The following WDR20 variants were observed in gnomAD, a reference collection of about 807,000 sequenced individuals.
WDR20 encodes WD repeat-containing protein 20.
Under a neutral mutation model 38.7 loss-of-function variants are expected in WDR20, and 3 were observed. The ratio of observed to expected loss-of-function variants is 0.08; its 90% CI spans 0.04 to 0.20. The LOEUF (loss-of-function observed/expected upper bound fraction) is 0.20. Ranked by LOEUF, WDR20 falls within the 10% of genes least tolerant of loss-of-function variation. WDR20 has a pLI of 1.00. For missense variants in WDR20, 559 were observed against 727.7 expected, an observed-to-expected ratio of 0.77 and a Z score of 2.67; for synonymous variants, 298 against 285.6, an observed-to-expected ratio of 1.04 and a Z score of -0.44.
At chr14:102,150,777 C>G (rs937812673) in intron 1 of WDR20, among the ~76,000 whole-genome samples, 3 of 152,052 alleles carry the variant, frequency 2.0e-5, no homozygotes, top group Non-Finnish European at 2.9e-5. Flanking sequence ...GAGGTATGGG[C>G]CCTGACCTTA....
At chr14:102,217,503 G>A (rs186161089), downstream of WDR20, among the ~76,000 whole-genome samples, 588 of 152,292 alleles carry the variant, frequency 3.9e-3, 16 homozygotes, top group Admixed American at 0.033. Flanking sequence ...CAGTGGACAG[G>A]TTAAAGCTGG....
Position 102,208,242 on chromosome 14 carries a change from AC to A in WDR20, c.433-356del, listed in dbSNP as rs1168695626. ...GGGGATACCACATGCAGATGCAGTG[AC>A]CCCCAGATTCAGATGCACCTACTGT... is the stretch of plus-strand genomic sequence containing the variant. On this transcript the variant is annotated intron_variant, in intron 2 of 2. Coordinates refer to ENST00000342702, the MANE Select transcript of WDR20 (RefSeq NM_144574.4). The surrounding 1 kb of genome is among the most constrained non-coding windows in gnomAD (Gnocchi z 5.6). Among the ~76,000 whole-genome samples the A allele has an allele frequency of 6.6e-6, 1 of 152,018 alleles. No individual in the cohort carries two copies. The highest frequency in any genetic ancestry group is 6.6e-5 in the Admixed American group (1 of 15,264).
In WDR20 at chr14:102,220,931, C is replaced by T. The variant is rs113217877; in HGVS notation, c.1693-1899C>T. Reference sequence around the variant, plus strand: ...GATGACAGCCGTGCGCCACCACACCCGGCTAATTTTGTATTAGTAGAGATG... The same window carrying T: ...GATGACAGCCGTGCGCCACCACACCTGGCTAATTTTGTATTAGTAGAGATG... On this transcript the variant is annotated intron_variant, in intron 3 of 3. Coordinates refer to the WDR20 transcript ENST00000335263. This position sits in a 1 kb window ranked among gnomAD's most constrained non-coding sequence, Gnocchi z 4.2. Among the ~76,000 whole-genome samples, 3,877 of 152,040 alleles carry T rather than the reference C, an allele frequency of 0.025. 161 individuals are homozygous for T. Among genetic ancestry groups the T allele is most frequent in the African/African-American group, 0.089 (3,706 of 41,456 alleles).
intron 1 of WDR20, among the ~76,000 whole-genome samples, chr14:102,149,256 C>G (rs1406893655): frequency 6.6e-6 from 1 of 152,150 alleles, no homozygotes. Flanking sequence ...ACCTTGAACT[C>G]CTGGGCTCAA....
intron 2 of WDR20, among the ~76,000 whole-genome samples, chr14:102,201,976 C>T (rs1285868177): frequency 6.6e-6 from 1 of 152,078 alleles, no homozygotes; most frequent in Non-Finnish European, 1.5e-5. Context: ...CCACTGCTTC[C>T]CACCAGAGCC....
At chr14:102,212,993 G>A (rs961850990), downstream of WDR20, 8 of 996,188 alleles carry the variant, frequency 8.0e-6, no homozygotes, top group Non-Finnish European at 9.6e-6. Context: ...TCAGGTGCAC[G>A]CTGCGTGGCT....
intron 1 of WDR20, among the ~76,000 whole-genome samples, chr14:102,174,376 C>T (rs952959607): frequency 4.6e-5 from 7 of 151,940 alleles, no homozygotes; most frequent in African/African-American, 1.7e-4. Context: ...TAAAAGTGCT[C>T]GCTTTTCACC....
chr14:102,176,420 C>T (rs886858174), intron 1 of WDR20, among the ~76,000 whole-genome samples: 6 of 149,810 alleles, frequency 4.0e-5, no homozygotes, highest in Non-Finnish European at 7.4e-5. Context: ...TAAGTGGGGC[C>T]GGGCGTGGTG....
intron 1 of WDR20, among the ~76,000 whole-genome samples, chr14:102,140,498 C>T (rs2050534276): frequency 6.6e-6 from 1 of 152,066 alleles, no homozygotes; most frequent in African/African-American, 2.4e-5. Flanking sequence ...CCTGCGAGTC[C>T]CCGGAAGAGG....
At chr14:102,196,348 T>C (rs989773841) in intron 2 of WDR20, among the ~76,000 whole-genome samples, 1 of 152,170 alleles carries the variant, frequency 6.6e-6, no homozygotes, top group Non-Finnish European at 1.5e-5. Context: ...GCAGAAAATA[T>C]TTTATTTACC....
upstream of WDR20, chr14:102,139,565 C>G (rs764342479): frequency 5.2e-6 from 4 of 775,652 alleles, no homozygotes; most frequent in Non-Finnish European, 8.0e-6. Flanking sequence ...ACACCAGCCC[C>G]GCCGCGGTTC....
chr14:102,155,007 A>C (rs1429985292), intron 1 of WDR20, among the ~76,000 whole-genome samples: 3 of 152,186 alleles, frequency 2.0e-5, no homozygotes, highest in African/African-American at 7.2e-5. Flanking sequence ...ATTAACCTGA[A>C]GCTGCCATCC....
chr14:102,192,459 G>A (rs550672234), intron 1 of WDR20, among the ~76,000 whole-genome samples: 4 of 152,272 alleles, frequency 2.6e-5, no homozygotes, highest in Middle Eastern at 3.4e-3. Context: ...GATTACAGGC[G>A]TGAGCCACCG....
At chr14:102,142,534 G>A (rs1225676608) in intron 1 of WDR20, among the ~76,000 whole-genome samples, 2 of 151,944 alleles carry the variant, frequency 1.3e-5, no homozygotes, top group African/African-American at 2.4e-5. Flanking sequence ...GTTCACTACA[G>A]CCTCAAACTC....
chr14:102,189,205 G>A (rs763101644), intron 1 of WDR20, among the ~76,000 whole-genome samples: 2 of 152,110 alleles, frequency 1.3e-5, no homozygotes, highest in African/African-American at 2.4e-5. Flanking sequence ...GCGAGACCCT[G>A]TCTCAATAAT....
At chr14:102,200,467 TTGTGTGTGTGTGTGTGTGTGTGTG>T (rs71395660) in intron 2 of WDR20, among the ~76,000 whole-genome samples, 1 of 117,688 alleles carries the variant, frequency 8.5e-6, no homozygotes, top group East Asian at 2.3e-4. Context: ...ATTTTTTTTT[TTGTGTGTGTGTGTGTGTGTGTGTG>T]TGTGTGTGTG....
At chr14:102,160,999 A>G (rs924386703) in intron 1 of WDR20, among the ~76,000 whole-genome samples, 3 of 145,008 alleles carry the variant, frequency 2.1e-5, no homozygotes, top group Non-Finnish European at 1.5e-5. Context: ...CCTCACATGT[A>G]TGATAAATTT....
intron 2 of WDR20, among the ~76,000 whole-genome samples, chr14:102,200,617 T>C (rs1341311583): frequency 6.6e-6 from 1 of 152,166 alleles, no homozygotes; most frequent in Non-Finnish European, 1.5e-5. Context: ...GCAACCTTGT[T>C]GTCTGTGTAA....
chr14:102,185,865 T>C (rs920585729), intron 1 of WDR20, among the ~76,000 whole-genome samples: 1 of 152,056 alleles, frequency 6.6e-6, no homozygotes, highest in Non-Finnish European at 1.5e-5. Flanking sequence ...CATTTGGCTG[T>C]AGGTCTCTTG....
Sources: gnomAD v4.1 joint callset for allele counts (sites outside exome capture counted in the v4.1 genomes callset) on GRCh38, gnomAD v4.1.1 for gene constraint, Gnocchi (gnomAD v3.1) non-coding constraint, MANE v1.5 for transcripts, NCBI Gene and HGNC (gene_info 2026-07-23, HGNC 2026-07-21) for gene names.